Variants in ACVR1 observed in about 807,000 individuals in gnomAD.
The protein encoded by ACVR1 is activin A receptor type 1.
ACVR1 carries 38 observed loss-of-function variants against 57.1 expected under a neutral mutation model. That is an observed-to-expected ratio of 0.67 (90% CI 0.51 to 0.87). ACVR1 has a LOEUF of 0.87. ACVR1 is among the 40% of genes least tolerant of loss of function. The pLI is 0.00. For missense variants in ACVR1, 463 were observed against 638.2 expected, an observed-to-expected ratio of 0.73 and a Z score of 2.96; for synonymous variants, 212 against 228.1, an observed-to-expected ratio of 0.93 and a Z score of 0.63.
At chr2:157,863,064 C>G (rs1689779933) in intron 1 of ACVR1, among the ~76,000 whole-genome samples, 1 of 126,306 alleles carries the variant, frequency 7.9e-6, no homozygotes, top group South Asian at 2.6e-4. Context: ...CTCTGTCACC[C>G]AGGCTGGAAT....
At chr2:157,815,270 A>G (rs1231864167) in intron 2 of ACVR1, among the ~76,000 whole-genome samples, 1 of 152,166 alleles carries the variant, frequency 6.6e-6, no homozygotes, top group Non-Finnish European at 1.5e-5. Context: ...TCACTGAAAG[A>G]ATACACAAGA....
At chr2:157,804,845 C>G (rs1038181309) in intron 2 of ACVR1, among the ~76,000 whole-genome samples, 4 of 152,180 alleles carry the variant, frequency 2.6e-5, no homozygotes, top group Admixed American at 6.5e-5. Flanking sequence ...TTCCAAATCC[C>G]ATGTTACTTT....
intron 1 of ACVR1, among the ~76,000 whole-genome samples, chr2:157,855,593 A>G (rs2105370775): frequency 6.6e-6 from 1 of 152,226 alleles, no homozygotes; most frequent in East Asian, 1.9e-4. Context: ...CCCTAGAAGA[A>G]TAACTCACTT....
chr2:157,829,461 A>C (rs146332436), intron 1 of ACVR1, among the ~76,000 whole-genome samples: 2 of 152,296 alleles, frequency 1.3e-5, no homozygotes, highest in Non-Finnish European at 2.9e-5. Flanking sequence ...TTGTTCATTG[A>C]GTAACGCTCA....
At chr2:157,830,852 ATGT>A (rs1466302696) in intron 1 of ACVR1, among the ~76,000 whole-genome samples, 3 of 152,040 alleles carry the variant, frequency 2.0e-5, no homozygotes, top group Non-Finnish European at 2.9e-5. Context: ...CTGCTTCCAG[ATGT>A]TGTCAGTCAA....
Position 157,738,494 on chromosome 2 carries a change from T to C in ACVR1, c.1341A>G (p.Val447=), listed in dbSNP as rs756877324. ...NDPSFEDMRK[V]VCVDQQRPNI... ...TTGGCCTTTGTTGATCCACACAGAC[T>C]ACCTTCCTCATATCTTCAAAACTTG... Residue 447 remains valine (V), a synonymous_variant, in exon 10 of 11, where the codon GTA becomes GTG. Coordinates refer to ENST00000434821, the MANE Select transcript of ACVR1 (RefSeq NM_001111067.4). 16 of 1,614,016 alleles carry C rather than the reference T, an allele frequency of 9.9e-6. No individual in the cohort carries two copies. The highest frequency in any genetic ancestry group is 1.4e-5 in the Non-Finnish European group (16 of 1,179,990).
chr2:157,862,432 C>T (rs952064022), intron 1 of ACVR1, among the ~76,000 whole-genome samples: 1 of 132,188 alleles, frequency 7.6e-6, no homozygotes, highest in Admixed American at 7.3e-5. Flanking sequence ...TACACACACA[C>T]ACACACACAC....
chr2:157,796,143 G>A (rs1687108493), intron 3 of ACVR1, among the ~76,000 whole-genome samples: 1 of 149,872 alleles, frequency 6.7e-6, no homozygotes, highest in Admixed American at 6.8e-5. Context: ...GAATGCTTGA[G>A]CCCAGGAGGT....
intron 9 of ACVR1, among the ~76,000 whole-genome samples, chr2:157,755,814 T>C (rs1685404737): frequency 6.6e-6 from 1 of 151,580 alleles, no homozygotes; most frequent in African/African-American, 2.4e-5. Context: ...GAAAAAGCAA[T>C]CCTAAAATGT....
chr2:157,743,558 T>C (rs570448162), intron 9 of ACVR1, among the ~76,000 whole-genome samples: 13 of 152,134 alleles, frequency 8.5e-5, no homozygotes, highest in African/African-American at 3.1e-4. Flanking sequence ...CAAGGTTAGA[T>C]GCATTTGCCA....
intron 9 of ACVR1, 50 bp downstream of exon 9, chr2:157,760,830 G>C (rs1181808459): frequency 1.0e-5 from 16 of 1,569,414 alleles, no homozygotes; most frequent in Non-Finnish European, 1.4e-5. Context: ...AAGGTAGCTG[G>C]ATCAAGAGAA....
chr2:157,811,787 C>CCAA (rs763161183), intron 2 of ACVR1, among the ~76,000 whole-genome samples: 10 of 150,346 alleles, frequency 6.7e-5, no homozygotes, highest in East Asian at 3.9e-4. Context: ...AAAACACCCT[C>CCAA]CAACAACAAC....
intron 1 of ACVR1, among the ~76,000 whole-genome samples, chr2:157,840,687 C>A (rs1026831528): frequency 6.6e-6 from 1 of 152,232 alleles, no homozygotes; most frequent in Admixed American, 6.5e-5. Context: ...TCCATCAGCT[C>A]CATGTCAGTG....
intron 1 of ACVR1, chr2:157,859,974 T>G (rs1251905705): frequency 6.6e-6 from 1 of 152,130 alleles, no homozygotes; most frequent in Admixed American, 6.5e-5. Flanking sequence ...TTCATGACGT[T>G]TGAATAACCT....
chr2:157,809,719 G>A (rs1478970508), intron 2 of ACVR1, among the ~76,000 whole-genome samples: 1 of 152,114 alleles, frequency 6.6e-6, no homozygotes, highest in Non-Finnish European at 1.5e-5. Flanking sequence ...TAGGTGATGC[G>A]CCCAAGAACA....
intron 1 of ACVR1, among the ~76,000 whole-genome samples, chr2:157,852,743 A>T (rs1689366978): frequency 6.6e-6 from 1 of 152,230 alleles, no homozygotes; most frequent in Non-Finnish European, 1.5e-5. Context: ...TAATTCCCAC[A>T]GAACTCCTAA....
chr2:157,820,425 G>A (rs1311943954), intron 1 of ACVR1, among the ~76,000 whole-genome samples: 1 of 152,212 alleles, frequency 6.6e-6, no homozygotes, highest in Non-Finnish European at 1.5e-5. Context: ...CATTTTAAGA[G>A]GAGGCCAGTG....
intron 1 of ACVR1, among the ~76,000 whole-genome samples, chr2:157,830,492 A>G (rs1460505217): frequency 1.3e-5 from 2 of 152,328 alleles, no homozygotes; most frequent in African/African-American, 4.8e-5. Context: ...CTGATTTCAT[A>G]CAAAAAGACA....
At chr2:157,814,682 T>A (rs971168771) in intron 2 of ACVR1, among the ~76,000 whole-genome samples, 1 of 152,236 alleles carries the variant, frequency 6.6e-6, no homozygotes, top group Non-Finnish European at 1.5e-5. Context: ...TCAAAGTTAT[T>A]CCCTATAGCT....
Sources: gnomAD v4.1 joint callset for allele counts (sites outside exome capture counted in the v4.1 genomes callset) on GRCh38, gnomAD v4.1.1 for gene constraint, MANE v1.5 for transcripts, NCBI Gene and HGNC (gene_info 2026-07-23, HGNC 2026-07-21) for gene names.